The following ZFP64 variants were observed in gnomAD, a reference collection of about 807,000 sequenced individuals.
ZFP64 encodes zinc finger protein 64.
Under a neutral mutation model 51.6 loss-of-function variants are expected in ZFP64, and 14 were observed. That is an observed-to-expected ratio of 0.27 (90% confidence interval 0.18 to 0.42). The LOEUF (loss-of-function observed/expected upper bound fraction) is 0.42, where lower values mean the gene tolerates loss of function less well. ZFP64 is among the 10% of genes least tolerant of loss of function. The pLI, the probability that ZFP64 is intolerant of heterozygous loss-of-function variation, is 1.00. For missense variants in ZFP64, 754 were observed against 906.8 expected (o/e 0.83, Z 2.16); for synonymous variants, 375 against 361.4 (o/e 1.04, Z -0.43).
intron 5 of ZFP64, among the ~76,000 whole-genome samples, chr20:52,104,488 A>G (rs1175896259): frequency 6.6e-6 from 1 of 152,192 alleles, no homozygotes; most frequent in African/African-American, 2.4e-5. Flanking sequence ...CTTCGCTCAG[A>G]TAAAATGCAG....
chr20:52,091,287 C>T (rs1310476897), intron 7 of ZFP64, among the ~76,000 whole-genome samples: 10 of 151,762 alleles, frequency 6.6e-5, no homozygotes, highest in South Asian at 6.3e-4. Context: ...TGCTTGAGGC[C>T]GGAAGGTTGA....
At chr20:52,135,151 A>G (rs7267085) in intron 5 of ZFP64, among the ~76,000 whole-genome samples, 6,617 of 152,296 alleles carry the variant, frequency 0.043, 515 homozygotes, top group African/African-American at 0.15. Context: ...GGTGTGAGCC[A>G]CTGTGACTGG....
At chr20:52,111,117 C>T in intron 5 of ZFP64, 1 of 821,422 alleles carries the variant, frequency 1.2e-6, no homozygotes, top group Non-Finnish European at 2.1e-6. Context: ...CGGAGCGGGG[C>T]ACGGCGGCAG....
chr20:52,152,919 A>G lies in ZFP64; in HGVS notation c.1273T>C (p.Phe425Leu). 6.2e-7 allele frequency: 1 copy of G among 1,613,752 alleles called. No homozygotes were observed. Among genetic ancestry groups the G allele is most frequent in the Non-Finnish European group, 8.5e-7 (1 of 1,180,008 alleles). ...QVAKLDAKKS[F>L]HCDICDASFM... Reference sequence around the variant, plus strand: ...GAGGCATCGCATATATCGCAGTGGAAACTCTTCTTGGCATCCAGCTTGGCC... The same window carrying G: ...GAGGCATCGCATATATCGCAGTGGAGACTCTTCTTGGCATCCAGCTTGGCC... Residue 425 changes from phenylalanine (F) to leucine (L), a missense_variant, in exon 6 of 6, where the codon TTC becomes CTC. By Grantham distance (22) the Phe-to-Leu change is conservative. Around this residue, in one of 3 missense-constraint regions of ZFP64, gnomAD observed 428 missense variants for 472.4 expected, o/e 0.91. Transcript: ENST00000216923.
chr20:52,094,664 C>A lies in ZFP64; in HGVS notation c.976+2709G>T, dbSNP rs142233812. On this transcript the variant is annotated intron_variant, in intron 7 of 8. Coordinates refer to the ZFP64 transcript ENST00000361387. ...GCCCCAGCTATTCAAGAAGCAGAGG[C>A]ATGAGGATCACTTGAACCTGATTGC... Among the ~76,000 whole-genome samples the A allele has an allele frequency of 2.6e-3, 390 of 152,238 alleles. 2 individuals are homozygous for A. Among genetic ancestry groups the A allele is most frequent in the African/African-American group, 8.7e-3 (361 of 41,548 alleles).
At chr20:52,101,455 C>T (rs142583058) in intron 5 of ZFP64, among the ~76,000 whole-genome samples, 81 of 152,282 alleles carry the variant, frequency 5.3e-4, no homozygotes, top group African/African-American at 1.8e-3. Context: ...CTGCAAACTC[C>T]GCCTTCCAGG....
At chr20:52,130,510 C>A (rs540912400) in intron 5 of ZFP64, among the ~76,000 whole-genome samples, 1 of 152,218 alleles carries the variant, frequency 6.6e-6, no homozygotes, top group East Asian at 1.9e-4. Flanking sequence ...CACTGCACCC[C>A]GTCCATTCTG....
chr20:52,189,931 TTAAATGATACAAGAC>T (rs1215373297), intron 1 of ZFP64, among the ~76,000 whole-genome samples: 4 of 152,206 alleles, frequency 2.6e-5, no homozygotes, highest in African/African-American at 9.6e-5. Context: ...TTTTCCCAAG[TTAAATGATACAAGAC>T]TACCTTTGTG....
intron 5 of ZFP64, among the ~76,000 whole-genome samples, chr20:52,129,515 T>C (rs1979619557): frequency 6.6e-6 from 1 of 152,152 alleles, no homozygotes; most frequent in Admixed American, 6.5e-5. Context: ...CAATTACAAA[T>C]ACCCTCTGTC....
Position 52,178,626 on chromosome 20 carries a change from G to A in ZFP64, c.286+8206C>T, listed in dbSNP as rs143319710. ...AGAGCTGAAGCATGACTCCCACCACGTTCCCCTGTGCCATCTCTAGCCACT... is the reference window on the plus strand; with the variant it reads ...AGAGCTGAAGCATGACTCCCACCACATTCCCCTGTGCCATCTCTAGCCACT... On this transcript the variant is annotated intron_variant, in intron 2 of 5. Transcript: ENST00000216923. 3.5e-3 allele frequency among the ~76,000 whole-genome samples: 530 copies of A among 152,088 alleles called. 6 individuals carry two copies. The highest frequency in any genetic ancestry group is 0.012 in the African/African-American group (496 of 41,474).
intron 7 of ZFP64, among the ~76,000 whole-genome samples, chr20:52,090,606 C>A (rs923702172): frequency 1.3e-5 from 2 of 152,012 alleles, no homozygotes; most frequent in Non-Finnish European, 2.9e-5. Flanking sequence ...CGAGACCAGC[C>A]TGGCCAACAT....
chr20:52,146,198 A>T (rs1316448075), intron 5 of ZFP64, among the ~76,000 whole-genome samples: 1 of 152,168 alleles, frequency 6.6e-6, no homozygotes, highest in Non-Finnish European at 1.5e-5. Context: ...TAGAACTAGA[A>T]ATACCATTTG....
chr20:52,092,997 A>G (rs2078944907), intron 7 of ZFP64, among the ~76,000 whole-genome samples: 1 of 152,176 alleles, frequency 6.6e-6, no homozygotes, highest in Non-Finnish European at 1.5e-5. Context: ...CTGTCCCAAT[A>G]GCCTCTGGTT....
chr20:52,086,539 G>A (rs1025100950), intron 8 of ZFP64, among the ~76,000 whole-genome samples: 1 of 149,354 alleles, frequency 6.7e-6, no homozygotes, highest in African/African-American at 2.5e-5. Context: ...GTGCAGTGAC[G>A]CAATCTCAGC....
chr20:52,108,611 C>G (rs1455565977), intron 5 of ZFP64, among the ~76,000 whole-genome samples: 3 of 151,654 alleles, frequency 2.0e-5, no homozygotes, highest in Non-Finnish European at 2.9e-5. Flanking sequence ...TGGGTTCAAG[C>G]AATTCTCCTT....
exon 6 of ZFP64, chr20:52,098,517 G>T (rs755650696): frequency 9.2e-5 from 149 of 1,613,988 alleles, no homozygotes; most frequent in Non-Finnish European, 2.8e-5. Context: ...TGATGACAGG[G>T]GCCTTCGGAG....
intron 5 of ZFP64, among the ~76,000 whole-genome samples, chr20:52,155,684 A>G (rs1981260150): frequency 6.6e-6 from 1 of 152,018 alleles, no homozygotes; most frequent in Non-Finnish European, 1.5e-5. Flanking sequence ...TCTTTAATGA[A>G]GTATCCTGGT....
At chr20:52,122,503 C>CA (rs71192596) in intron 5 of ZFP64, among the ~76,000 whole-genome samples, 87 of 91,030 alleles carry the variant, frequency 9.6e-4, no homozygotes, top group Middle Eastern at 5.2e-3. Context: ...GACTCCGTCT[C>CA]AAAAAAAAAA....
chr20:52,100,216 C>A (rs1335752796), intron 5 of ZFP64, among the ~76,000 whole-genome samples: 3 of 152,060 alleles, frequency 2.0e-5, no homozygotes, highest in Non-Finnish European at 2.9e-5. Context: ...GTCTCGATCT[C>A]CTGACCTTGT....
Sources: allele counts gnomAD v4.1 joint callset (sites outside exome capture counted in the v4.1 genomes callset), GRCh38; gene constraint gnomAD v4.1.1; regional missense constraint gnomAD v4.1.1; transcripts MANE v1.5; gene names NCBI Gene and HGNC (gene_info 2026-07-23, HGNC 2026-07-21).